The following FAM178B variants were observed in gnomAD, a reference collection of about 807,000 sequenced individuals.
FAM178B encodes the protein protein FAM178B.
Under a neutral mutation model 91.7 loss-of-function variants are expected in FAM178B, and 82 were observed. The ratio of observed to expected loss-of-function variants is 0.89; its 90% CI spans 0.75 to 1.07. FAM178B has a LOEUF of 1.07. Ranked by LOEUF, FAM178B falls within the 50% of genes least tolerant of loss-of-function variation. The probability of loss-of-function intolerance (pLI) is 0.00; values close to 1 mark genes in which losing one functional copy is unlikely to be tolerated. For synonymous variants in FAM178B, 368 were observed against 359.4 expected, an observed-to-expected ratio of 1.02 and a Z score of -0.27; for missense variants, 769 against 846.7, an observed-to-expected ratio of 0.91 and a Z score of 1.14.
intron 14 of FAM178B, among the ~76,000 whole-genome samples, chr2:96,890,753 G>A (rs1325334256): frequency 2.0e-5 from 3 of 152,298 alleles, no homozygotes; most frequent in Non-Finnish European, 2.9e-5. Flanking sequence ...ATGGGCCAAA[G>A]GGAGTACTTA....
chr2:96,929,134 G>A, intron 9 of FAM178B, 72 bp downstream of exon 9: 1 of 1,092,328 alleles, frequency 9.2e-7, no homozygotes, highest in South Asian at 1.3e-5. Flanking sequence ...TTCCAGTTCT[G>A]AGTGACAGAG....
chr2:96,909,965 C>T (rs1020589481), intron 12 of FAM178B, among the ~76,000 whole-genome samples: 16 of 152,194 alleles, frequency 1.1e-4, no homozygotes, highest in Non-Finnish European at 1.5e-5. Context: ...TGATAATGAG[C>T]CCACTTCATT....
chr2:96,977,996 A>G (rs1342118806), intron 1 of FAM178B: 8 of 431,634 alleles, frequency 1.9e-5, no homozygotes, highest in East Asian at 7.1e-5. Context: ...GAAGTCCATC[A>G]GAGGAGAAAA....
At chr2:96,886,136 G>GCTGCACACGTCCAGGGATC (rs1026763185) in intron 14 of FAM178B, among the ~76,000 whole-genome samples, 2 of 152,220 alleles carry the variant, frequency 1.3e-5, no homozygotes, top group Admixed American at 6.5e-5. Flanking sequence ...CCACAGGGAT[G>GCTGCACACGTCCAGGGATC]CTGCACACGT....
chr2:96,962,042 G>A (rs1324079274), intron 5 of FAM178B, among the ~76,000 whole-genome samples: 1 of 152,172 alleles, frequency 6.6e-6, no homozygotes, highest in Admixed American at 6.6e-5. Flanking sequence ...TAGGCCAGGT[G>A]CGGTGGCTCA....
chr2:96,897,751 G>GTAA (rs1265648256), intron 13 of FAM178B, among the ~76,000 whole-genome samples: 1 of 152,104 alleles, frequency 6.6e-6, no homozygotes, highest in African/African-American at 2.4e-5. Context: ...TCCACTCCCA[G>GTAA]TAATCTCTTC....
chr2:96,950,381 T>A (rs965365900), intron 7 of FAM178B, among the ~76,000 whole-genome samples: 2 of 152,086 alleles, frequency 1.3e-5, no homozygotes, highest in African/African-American at 2.4e-5. Flanking sequence ...AGAAGCTGCA[T>A]GTCTTCCTCC....
rs1341079682 is a variant in FAM178B at position 96,902,665 on chromosome 2, C to T, written c.1605G>A (p.Met535Ile). Residue 535 changes from methionine (M) to isoleucine (I), a missense_variant, in exon 13 of 17, where the codon ATG becomes ATA. Transcript: ENST00000490605. ...GAGGGAGCATCTCCTGCTGGCCCAG[C>T]ATTCGAGCAATGACCACAAGGCTGA... ...SQLSLVVIAR[M>I]LGQQEMLPLW... The T allele has an allele frequency of 5.8e-6, 9 of 1,550,916 alleles. No homozygotes were observed. Among genetic ancestry groups the T allele is most frequent in the Non-Finnish European group, 6.1e-6 (7 of 1,146,626 alleles).
chr2:96,903,893 G>T (rs1277121358), intron 12 of FAM178B, among the ~76,000 whole-genome samples: 2 of 152,222 alleles, frequency 1.3e-5, no homozygotes, highest in Non-Finnish European at 2.9e-5. Flanking sequence ...TCTTAGGAAA[G>T]AGTCAAGAAA....
chr2:96,935,547 G>A (rs1349514381), intron 8 of FAM178B, among the ~76,000 whole-genome samples: 1 of 152,052 alleles, frequency 6.6e-6, no homozygotes, highest in Non-Finnish European at 1.5e-5. Flanking sequence ...GCAAAAGGTT[G>A]AGACTGGTTT....
chr2:96,985,335 C>T (rs1180606123), intron 1 of FAM178B, among the ~76,000 whole-genome samples: 2 of 152,200 alleles, frequency 1.3e-5, no homozygotes, highest in Non-Finnish European at 2.9e-5. Flanking sequence ...GCCATGCTCA[C>T]TCTACAATGC....
At chr2:96,925,944 C>T (rs544651139) in intron 9 of FAM178B, among the ~76,000 whole-genome samples, 95 of 152,332 alleles carry the variant, frequency 6.2e-4, no homozygotes, top group Middle Eastern at 6.8e-3. Context: ...TGATAGGACG[C>T]CCTGTCAATG....
At chr2:96,937,642 G>T (rs1286226762) in intron 8 of FAM178B, among the ~76,000 whole-genome samples, 8 of 152,170 alleles carry the variant, frequency 5.3e-5, no homozygotes, top group Non-Finnish European at 1.0e-4. Flanking sequence ...ACTTTTTAAC[G>T]CTCAGCCATA....
chr2:96,938,210 C>T (rs2081664871), intron 8 of FAM178B, among the ~76,000 whole-genome samples: 1 of 152,178 alleles, frequency 6.6e-6, no homozygotes. Context: ...AAACCTGGAG[C>T]ATCTCAGCCC....
At chr2:96,973,846 A>G (rs1170345441) in intron 1 of FAM178B, among the ~76,000 whole-genome samples, 1 of 151,428 alleles carries the variant, frequency 6.6e-6, no homozygotes, top group Non-Finnish European at 1.5e-5. Context: ...CTAAAAATAC[A>G]AAAAAAATTA....
intron 13 of FAM178B, among the ~76,000 whole-genome samples, chr2:96,898,453 G>A (rs1229531478): frequency 6.6e-6 from 1 of 152,162 alleles, no homozygotes; most frequent in Admixed American, 6.5e-5. Context: ...CCAGGAGTTT[G>A]TGACCACCCT....
chr2:96,956,335 G>A (rs1054818265), intron 6 of FAM178B, among the ~76,000 whole-genome samples: 4 of 152,240 alleles, frequency 2.6e-5, no homozygotes, highest in African/African-American at 9.6e-5. Flanking sequence ...CTAGCTTGGT[G>A]ATGGATGAGC....
intron 1 of FAM178B, among the ~76,000 whole-genome samples, chr2:96,973,590 T>G (rs2082252151): frequency 6.6e-6 from 1 of 152,022 alleles, no homozygotes; most frequent in Non-Finnish European, 1.5e-5. Flanking sequence ...AGTCTAATGA[T>G]CAAAGGAAAT....
rs1455687623 is a variant in FAM178B at position 96,972,299 on chromosome 2, G to A, written c.166C>T (p.Pro56Ser). Residue 56 changes from proline to serine, a missense_variant, in exon 3 of 17, where the codon CCC becomes TCC. Transcript: ENST00000490605. Reference sequence around the variant, plus strand: ...TCCTCCAGGTTGTACAGGAGGATGGGCACGGTGGCGGCAGCCTGCACCCCT... The same window carrying A: ...TCCTCCAGGTTGTACAGGAGGATGGACACGGTGGCGGCAGCCTGCACCCCT... The part of the protein sequence containing the change: ...REGVQAAATV[P>S]ILLYNLEDGL... 1 of 1,473,182 alleles carries A rather than the reference G, an allele frequency of 6.8e-7. No individual in the cohort carries two copies. The highest frequency in any genetic ancestry group is 9.0e-7 in the Non-Finnish European group (1 of 1,110,634). 91.3% of individuals were successfully genotyped at this position (1,473,182 alleles called of 1,614,324 possible).
Sources: allele counts gnomAD v4.1 joint callset (sites outside exome capture counted in the v4.1 genomes callset), GRCh38; gene constraint gnomAD v4.1.1; transcripts MANE v1.5; gene names NCBI Gene and HGNC (gene_info 2026-07-23, HGNC 2026-07-21).